Variants in ABCA13 observed in about 807,000 individuals in gnomAD.
ABCA13 encodes the protein ATP binding cassette subfamily A member 13, also known as ATP-binding cassette sub-family A member 13.
A neutral mutation model predicts 478.7 loss-of-function variants in ABCA13; 476 were observed. The ratio of observed to expected loss-of-function variants is 0.99; its 90% CI spans 0.92 to 1.07. ABCA13 has a LOEUF of 1.07. Ranked by LOEUF, ABCA13 falls within the 50% of genes least tolerant of loss-of-function variation. The pLI is 0.00. For missense variants in ABCA13, 6,060 were observed against 5,910.6 expected, an observed-to-expected ratio of 1.03 and a Z score of -0.83; for synonymous variants, 2,252 against 2,158.9, an observed-to-expected ratio of 1.04 and a Z score of -1.20.
At position 48,355,755 on chromosome 7, in the gene ABCA13, C is replaced by A. The variant is rs115530993; in HGVS notation, c.10688+3268C>A. Among the ~76,000 whole-genome samples, 1,040 of 151,972 alleles carry A rather than the reference C, an allele frequency of 6.8e-3. 31 individuals are homozygous for A. Among genetic ancestry groups the A allele is most frequent in the African/African-American group, 0.024 (1,000 of 41,268 alleles). ...TGATGAGGGCGTGATAGAGAGACATCGAGGAAGATTCCCCTATTTTGGTCC... is the reference window on the plus strand; with the variant it reads ...TGATGAGGGCGTGATAGAGAGACATAGAGGAAGATTCCCCTATTTTGGTCC... On this transcript the variant is annotated intron_variant, in intron 31 of 61. Transcript: ENST00000435803.
chr7:48,309,791 C>T (rs189095500), intron 23 of ABCA13, among the ~76,000 whole-genome samples, 156 bp from the exon 24 acceptor site: 3 of 152,308 alleles, frequency 2.0e-5, no homozygotes, highest in African/African-American at 4.8e-5. Context: ...TGTTGAGAAT[C>T]GAACCCCAGT....
chr7:48,591,876 A>G (rs1368216262), intron 57 of ABCA13, among the ~76,000 whole-genome samples: 1 of 151,820 alleles, frequency 6.6e-6, no homozygotes, highest in South Asian at 2.1e-4. Context: ...GGTGGAGTCT[A>G]TAGTGTTTTC....
At chr7:48,287,868 C>T (rs1173459364) in intron 19 of ABCA13, 92 bp from the exon 20 acceptor site, 7 of 906,514 alleles carry the variant, frequency 7.7e-6, no homozygotes, top group East Asian at 2.4e-5. Context: ...GAATTTGTAT[C>T]ACTTTGAATC....
chr7:48,506,626 C>T (rs1831235671), intron 49 of ABCA13, among the ~76,000 whole-genome samples: 1 of 152,190 alleles, frequency 6.6e-6, no homozygotes, highest in African/African-American at 2.4e-5. Flanking sequence ...TGCAACTGTA[C>T]TTCTAAGCAG....
At chr7:48,580,036 A>G (rs551612415) in intron 55 of ABCA13, among the ~76,000 whole-genome samples, 188 bp from the exon 56 acceptor site, 1 of 152,180 alleles carries the variant, frequency 6.6e-6, no homozygotes, top group Non-Finnish European at 1.5e-5. Flanking sequence ...TCCATATGCC[A>G]AAGAGGCCTA....
At position 48,481,321 on chromosome 7, in the gene ABCA13, T is replaced by C. The variant is rs369739845; in HGVS notation, c.13094+167T>C. On this transcript the variant is annotated intron_variant, in intron 46 of 61. Coordinates refer to ENST00000435803, the MANE Select transcript of ABCA13 (RefSeq NM_152701.5). ...CCCTTCCTGTGTCCATGTTTTTACA[T>C]TGAAAGTAGACAAATAGTTTTGTCA... Among the ~76,000 whole-genome samples, 145 of 152,358 alleles carry C rather than the reference T, an allele frequency of 9.5e-4. 1 individual carries two copies. Among genetic ancestry groups the C allele is most frequent in the African/African-American group, 3.4e-3 (140 of 41,576 alleles).
chr7:48,273,502 A>C lies in ABCA13; in HGVS notation c.3836A>C (p.Glu1279Ala), dbSNP rs1387103789. ...TFPFNESTSR[E>A]FLNSLLEVFI... ...CCATTCAACGAAAGTACAAGCAGAG[A>C]GTTTTTAAATTCTCTGCTTGAAGTT... Residue 1279 changes from glutamate (E) to alanine (A), a missense_variant, in exon 17 of 62, where the codon GAG (glutamate) becomes GCG (alanine). By Grantham distance (107) the Glu-to-Ala change is moderately radical (BLOSUM62 -1). This residue lies in a region of ABCA13 where 4,423 missense variants were observed against 4,309.1 expected (regional missense o/e 1.03). Transcript: ENST00000435803. 1 of 1,597,478 alleles carries C rather than the reference A, an allele frequency of 6.3e-7. No individual in the cohort carries two copies. Among genetic ancestry groups the C allele is most frequent in the African/African-American group, 1.3e-5 (1 of 74,828 alleles).
chr7:48,238,309 C>T (rs906284254), intron 8 of ABCA13, among the ~76,000 whole-genome samples: 11 of 151,972 alleles, frequency 7.2e-5, no homozygotes, highest in Admixed American at 3.3e-4. Context: ...CGAATTTTGG[C>T]GGGGAGGCCA....
At chr7:48,526,295 G>C (rs1163949218) in intron 54 of ABCA13, among the ~76,000 whole-genome samples, 1 of 152,046 alleles carries the variant, frequency 6.6e-6, no homozygotes, top group African/African-American at 2.4e-5. Context: ...CCTTCACTTT[G>C]GGGTATTATT....
rs928085471 is a variant in ABCA13 at position 48,455,021 on chromosome 7, C to G, written c.12566-16C>G. On this transcript the variant is annotated splice_polypyrimidine_tract_variant and intron_variant, in intron 42 of 61. Coordinates refer to ENST00000435803, the MANE Select transcript of ABCA13 (RefSeq NM_152701.5). ...CAGAGCTGACCCAGCCGCCCTTCCT[C>G]CCGCCCGTCCTGCAGGTGGCTCCCT... 2 of 1,481,200 alleles carry G rather than the reference C, an allele frequency of 1.4e-6. No individual in the cohort carries two copies. Among genetic ancestry groups the G allele is most frequent in the Non-Finnish European group, 1.8e-6 (2 of 1,117,226 alleles). 91.8% of individuals were successfully genotyped at this position (1,481,200 alleles called of 1,614,324 possible).
intron 21 of ABCA13, among the ~76,000 whole-genome samples, chr7:48,296,959 T>C (rs1002118530): frequency 1.9e-4 from 29 of 152,216 alleles, no homozygotes; most frequent in African/African-American, 6.8e-4. Context: ...TTCACAGTTG[T>C]GAAAAGCCAT....
At chr7:48,311,889 A>C (rs1232171082) in intron 24 of ABCA13, among the ~76,000 whole-genome samples, 1 of 152,214 alleles carries the variant, frequency 6.6e-6, no homozygotes, top group Non-Finnish European at 1.5e-5. Flanking sequence ...ACAGTTTGCT[A>C]TATTAATTCG....
chr7:48,319,542 C>A (rs1374467756), intron 27 of ABCA13, among the ~76,000 whole-genome samples: 8 of 152,042 alleles, frequency 5.3e-5, no homozygotes, highest in Admixed American at 5.2e-4. Context: ...TTGGAGTGGC[C>A]CATGCTATAA....
At chr7:48,593,481 A>G (rs1789973195) in intron 57 of ABCA13, among the ~76,000 whole-genome samples, 2 of 151,980 alleles carry the variant, frequency 1.3e-5, no homozygotes, top group Non-Finnish European at 2.9e-5. Flanking sequence ...AAAAATTATT[A>G]TAGCTATAGT....
chr7:48,489,173 A>T, intron 47 of ABCA13, 63 bp from the exon 48 acceptor site: 1 of 1,345,934 alleles, frequency 7.4e-7, no homozygotes, highest in Admixed American at 2.0e-5. Context: ...ATCCCAGAAT[A>T]GTTGACAAAC....
At chr7:48,357,658 C>T (rs1206752520) in intron 31 of ABCA13, among the ~76,000 whole-genome samples, 1 of 151,914 alleles carries the variant, frequency 6.6e-6, no homozygotes, top group Non-Finnish European at 1.5e-5. Flanking sequence ...CACTTATTCT[C>T]TAAAAACCTT....
At chr7:48,598,072 T>C (rs1790483433) in intron 58 of ABCA13, among the ~76,000 whole-genome samples, 1 of 152,170 alleles carries the variant, frequency 6.6e-6, no homozygotes, top group African/African-American at 2.4e-5. Flanking sequence ...TTCTCTGCCC[T>C]AAAAATTTTC....
chr7:48,545,228 G>A (rs1041951713), intron 55 of ABCA13, among the ~76,000 whole-genome samples: 4 of 151,830 alleles, frequency 2.6e-5, no homozygotes, highest in Admixed American at 6.6e-5. Context: ...AGCTAGGATC[G>A]TTGAAAGGCT....
chr7:48,306,138 A>G (rs1218041815), intron 23 of ABCA13, among the ~76,000 whole-genome samples: 1 of 152,206 alleles, frequency 6.6e-6, no homozygotes, highest in African/African-American at 2.4e-5. Context: ...ACAGGAAAGG[A>G]GAGGGAGCAA....
Sources: allele counts gnomAD v4.1 joint callset (sites outside exome capture counted in the v4.1 genomes callset), GRCh38; gene constraint gnomAD v4.1.1; regional missense constraint gnomAD v4.1.1; transcripts MANE v1.5; gene names NCBI Gene and HGNC (gene_info 2026-07-23, HGNC 2026-07-21).